Variants in FBLN7 observed in about 807,000 individuals in gnomAD.
The protein encoded by FBLN7 is fibulin 7, also known as fibulin-7.
FBLN7 carries 31 observed loss-of-function variants against 44.0 expected under a neutral mutation model. The ratio of observed to expected loss-of-function variants is 0.70; its 90% CI spans 0.53 to 0.95. The LOEUF is 0.95. Among genes scored for constraint, FBLN7 ranks in the 40% least tolerant of loss-of-function variants. The probability of loss-of-function intolerance (pLI) is 0.00; values close to 1 mark genes in which losing one functional copy is unlikely to be tolerated. For synonymous variants in FBLN7, 262 were observed against 253.4 expected, an observed-to-expected ratio of 1.03 and a Z score of -0.32; for missense variants, 573 against 618.5, an observed-to-expected ratio of 0.93 and a Z score of 0.78.
the FBLN7 span, among the ~76,000 whole-genome samples, chr2:112,242,669 C>T: frequency 1.3e-5 from 2 of 152,266 alleles, no homozygotes; most frequent in Non-Finnish European, 2.9e-5. Context: ...AACAATACTA[C>T]AGTAGTGCTA....
At chr2:112,227,215 G>C in the FBLN7 span, among the ~76,000 whole-genome samples, 1 of 152,206 alleles carries the variant, frequency 6.6e-6, no homozygotes, top group East Asian at 1.9e-4. Flanking sequence ...GAAATAAAAA[G>C]CATTAGAAAG....
At chr2:112,219,235 AG>A in the FBLN7 span, among the ~76,000 whole-genome samples, 2 of 152,310 alleles carry the variant, frequency 1.3e-5, no homozygotes, top group East Asian at 3.9e-4. Context: ...CATAAAAGAT[AG>A]ACATATAGAG....
chr2:112,179,145 G>C (rs1682865374), intron 4 of FBLN7, among the ~76,000 whole-genome samples: 1 of 152,120 alleles, frequency 6.6e-6, no homozygotes, highest in South Asian at 2.1e-4. Flanking sequence ...AAAGTTGCAG[G>C]ATACAAAATC....
chr2:112,226,589 C>CAAAAAAAA, the FBLN7 span, among the ~76,000 whole-genome samples: 2,127 of 74,062 alleles, frequency 0.029, 487 homozygotes, highest in African/African-American at 0.094. Context: ...GACTCCATCT[C>CAAAAAAAA]AAAAAAAAAA....
the FBLN7 span, among the ~76,000 whole-genome samples, chr2:112,226,255 A>G: frequency 6.6e-6 from 1 of 151,990 alleles, no homozygotes; most frequent in African/African-American, 2.4e-5. Context: ...GAATAAACTT[A>G]TAACAAGGAC....
intron 1 of FBLN7, among the ~76,000 whole-genome samples, chr2:112,141,899 G>GT (rs1573755459): frequency 6.6e-6 from 1 of 152,156 alleles, no homozygotes; most frequent in East Asian, 1.9e-4. Context: ...CCCAGACTCT[G>GT]TACCCGGAAC....
At chr2:112,231,154 A>G in the FBLN7 span, among the ~76,000 whole-genome samples, 2 of 152,140 alleles carry the variant, frequency 1.3e-5, no homozygotes, top group Non-Finnish European at 2.9e-5. Flanking sequence ...AAACAACTAA[A>G]TATTTGGTAC....
chr2:112,154,415 C>T (rs1359253983), intron 1 of FBLN7, among the ~76,000 whole-genome samples: 3 of 152,174 alleles, frequency 2.0e-5, no homozygotes, highest in Non-Finnish European at 4.4e-5. Flanking sequence ...TCCTCAGCTT[C>T]GAGGGGACGG....
the FBLN7 span, among the ~76,000 whole-genome samples, chr2:112,204,498 C>A: frequency 6.6e-6 from 1 of 151,862 alleles, no homozygotes; most frequent in Non-Finnish European, 1.5e-5. Flanking sequence ...ACAAAAAGAT[C>A]CACACTTAGA....
chr2:112,238,631 G>T, the FBLN7 span: 1 of 877,248 alleles, frequency 1.1e-6, no homozygotes, highest in East Asian at 2.5e-5. Flanking sequence ...CATTGTTGAA[G>T]GTGGGTAATA....
At chr2:112,183,617 TA>T (rs1340213047) in intron 6 of FBLN7, among the ~76,000 whole-genome samples, 1 of 152,118 alleles carries the variant, frequency 6.6e-6, no homozygotes, top group Non-Finnish European at 1.5e-5. Flanking sequence ...CAACCCCAGC[TA>T]AAAACCAGTC....
chr2:112,149,976 G>A (rs188887884), intron 1 of FBLN7, among the ~76,000 whole-genome samples: 4 of 152,326 alleles, frequency 2.6e-5, no homozygotes, highest in South Asian at 2.1e-4. Flanking sequence ...GGGTGCCTAA[G>A]TACTAAGATT....
the FBLN7 span, among the ~76,000 whole-genome samples, chr2:112,241,002 TTG>T: frequency 1.3e-3 from 182 of 135,252 alleles, 1 homozygote; most frequent in African/African-American, 4.6e-3. Context: ...TGTATGTGTG[TTG>T]TGTTTTGTGT....
At position 112,145,877 on chromosome 2, in the gene FBLN7, C is replaced by A. The variant is rs182737569; in HGVS notation, c.75+7147C>A. Among the ~76,000 whole-genome samples the A allele has an allele frequency of 1.0e-3, 153 of 152,322 alleles. 1 individual carries two copies. Among genetic ancestry groups the A allele is most frequent in the African/African-American group, 3.5e-3 (146 of 41,560 alleles). On this transcript the variant is annotated intron_variant, in intron 1 of 7. Coordinates refer to ENST00000331203, the MANE Select transcript of FBLN7 (RefSeq NM_153214.3). ...TGGAGAAATTTCTGCCAATAACACACTTATCTTGATTACCGTAGCTTTACA... is the reference window on the plus strand; with the variant it reads ...TGGAGAAATTTCTGCCAATAACACAATTATCTTGATTACCGTAGCTTTACA...
chr2:112,230,968 T>A, the FBLN7 span: 2 of 1,208,062 alleles, frequency 1.7e-6, no homozygotes, highest in Non-Finnish European at 2.2e-6. Flanking sequence ...AAAAAAAAAA[T>A]CACATAATCA....
the FBLN7 span, among the ~76,000 whole-genome samples, chr2:112,235,979 G>A: frequency 6.6e-6 from 1 of 150,888 alleles, no homozygotes; most frequent in African/African-American, 2.4e-5. Flanking sequence ...CAGGCACAGT[G>A]GCTCATGCCT....
At chr2:112,241,446 C>G in the FBLN7 span, among the ~76,000 whole-genome samples, 23 of 152,264 alleles carry the variant, frequency 1.5e-4, no homozygotes, top group East Asian at 3.9e-4. Context: ...GAGACCCCCC[C>G]CTCAAGGGCC....
intron 7 of FBLN7, among the ~76,000 whole-genome samples, chr2:112,186,503 G>A (rs779402223): frequency 4.8e-4 from 73 of 152,252 alleles, no homozygotes; most frequent in Non-Finnish European, 8.7e-4. Flanking sequence ...AGCTGGGCGT[G>A]GTGGTGGGCA....
chr2:112,237,321 T>C, the FBLN7 span, among the ~76,000 whole-genome samples: 1 of 152,366 alleles, frequency 6.6e-6, no homozygotes, highest in South Asian at 2.1e-4. Context: ...GTTCAGAGTA[T>C]GATGGATCTA....
Sources: gnomAD v4.1 joint callset for allele counts (sites outside exome capture counted in the v4.1 genomes callset) on GRCh38, gnomAD v4.1.1 for gene constraint, MANE v1.5 for transcripts, NCBI Gene and HGNC (gene_info 2026-07-23, HGNC 2026-07-21) for gene names.